PDE3A: variants seen among roughly 807,000 people sequenced by gnomAD.
PDE3A encodes phosphodiesterase 3A, also known as cGMP-inhibited 3',5'-cyclic phosphodiesterase 3A.
Under a neutral mutation model 98.3 loss-of-function variants are expected in PDE3A, and 43 were observed. The observed-to-expected ratio is 0.44, with a 90% CI of 0.34 to 0.56. PDE3A has a LOEUF of 0.56. Ranked by LOEUF, PDE3A falls within the 20% of genes least tolerant of loss-of-function variation. The pLI is 0.01. For missense variants in PDE3A, 1,427 were observed against 1,440.7 expected, an observed-to-expected ratio of 0.99 and a Z score of 0.15; for synonymous variants, 663 against 567.9, an observed-to-expected ratio of 1.17 and a Z score of -2.38.
At chr12:20,547,307 T>G (rs1206496037) in intron 1 of PDE3A, among the ~76,000 whole-genome samples, 2 of 152,166 alleles carry the variant, frequency 1.3e-5, no homozygotes, top group Non-Finnish European at 2.9e-5. Flanking sequence ...TGGTATACTA[T>G]GTTTCTGTGT....
intron 1 of PDE3A, among the ~76,000 whole-genome samples, chr12:20,532,890 T>C (rs1592026878): frequency 1.3e-5 from 2 of 151,764 alleles, no homozygotes; most frequent in South Asian, 4.2e-4. Flanking sequence ...GGGTTTCACC[T>C]TGGTCTCGAT....
chr12:20,471,083 T>A (rs1326722288), intron 1 of PDE3A, among the ~76,000 whole-genome samples: 11 of 148,884 alleles, frequency 7.4e-5, no homozygotes, highest in Admixed American at 1.3e-4. Context: ...TTTCTGTGTT[T>A]TAAGCCACCC....
chr12:20,662,522 T>C (rs1400277638), intron 15 of PDE3A, among the ~76,000 whole-genome samples: 4 of 152,210 alleles, frequency 2.6e-5, no homozygotes, highest in Non-Finnish European at 4.4e-5. Flanking sequence ...GCATGGGGCC[T>C]GTAGCGCCTT....
intron 2 of PDE3A, among the ~76,000 whole-genome samples, chr12:20,561,582 G>A (rs1942522462): frequency 6.6e-6 from 1 of 151,928 alleles, no homozygotes; most frequent in African/African-American, 2.4e-5. Context: ...TAGCCTTTGA[G>A]GAATCAGAAA....
At chr12:20,387,777 G>C (rs1465028383) in intron 1 of PDE3A, among the ~76,000 whole-genome samples, 2 of 151,954 alleles carry the variant, frequency 1.3e-5, no homozygotes, top group South Asian at 4.1e-4. Flanking sequence ...TTTACATACT[G>C]CTTGGGAACA....
intron 1 of PDE3A, chr12:20,553,097 A>G (rs1942261386): frequency 2.5e-6 from 2 of 800,932 alleles, no homozygotes; most frequent in South Asian, 1.8e-5. Flanking sequence ...TAGTGGGCTT[A>G]ACTTAAACAG....
At chr12:20,568,290 T>C (rs1183163364) in intron 2 of PDE3A, among the ~76,000 whole-genome samples, 1 of 151,988 alleles carries the variant, frequency 6.6e-6, no homozygotes, top group Non-Finnish European at 1.5e-5. Context: ...AAGTAAGTGC[T>C]TTATGGACAT....
intron 1 of PDE3A, among the ~76,000 whole-genome samples, chr12:20,436,779 T>G (rs911467005): frequency 2.6e-5 from 4 of 152,168 alleles, no homozygotes; most frequent in African/African-American, 9.7e-5. Context: ...AAATCCTTAA[T>G]AAAGATCATG....
At chr12:20,564,537 G>T (rs968450771) in intron 2 of PDE3A, among the ~76,000 whole-genome samples, 5 of 152,076 alleles carry the variant, frequency 3.3e-5, no homozygotes, top group African/African-American at 1.2e-4. Flanking sequence ...GGTTAGGGGG[G>T]AATGTACTCT....
At chr12:20,536,491 G>A (rs1403639684) in intron 1 of PDE3A, among the ~76,000 whole-genome samples, 1 of 151,966 alleles carries the variant, frequency 6.6e-6, no homozygotes, top group African/African-American at 2.4e-5. Context: ...TTTTCATCAT[G>A]TCCCCTAAAA....
intron 1 of PDE3A, among the ~76,000 whole-genome samples, chr12:20,486,480 G>T (rs1381745916): frequency 6.6e-6 from 1 of 152,168 alleles, no homozygotes; most frequent in Non-Finnish European, 1.5e-5. Flanking sequence ...TGGGGACACA[G>T]CCAAACCATA....
At chr12:20,420,354 G>A (rs1315208328) in intron 1 of PDE3A, among the ~76,000 whole-genome samples, 5 of 152,026 alleles carry the variant, frequency 3.3e-5, no homozygotes, top group African/African-American at 7.2e-5. Context: ...GTCAAGTCTC[G>A]AGCTCATGAT....
intron 15 of PDE3A, among the ~76,000 whole-genome samples, chr12:20,677,346 G>A (rs1945667438): frequency 6.6e-6 from 1 of 152,034 alleles, no homozygotes; most frequent in South Asian, 2.1e-4. Flanking sequence ...ATCTGTTGCT[G>A]GAGGATTATT....
chr12:20,547,855 T>G (rs779449217), intron 1 of PDE3A, among the ~76,000 whole-genome samples: 1 of 152,132 alleles, frequency 6.6e-6, no homozygotes, highest in Non-Finnish European at 1.5e-5. Flanking sequence ...AAATATATTT[T>G]CAGCAATCTA....
intron 1 of PDE3A, among the ~76,000 whole-genome samples, chr12:20,414,386 T>C (rs1944385691): frequency 6.6e-6 from 1 of 152,166 alleles, no homozygotes; most frequent in African/African-American, 2.4e-5. Context: ...CAATCTGATA[T>C]AATCAAAATG....
chr12:20,467,544 A>T (rs1423964380), intron 1 of PDE3A, among the ~76,000 whole-genome samples: 1 of 152,168 alleles, frequency 6.6e-6, no homozygotes, highest in African/African-American at 2.4e-5. Context: ...AAACATTGAA[A>T]TATACATCTG....
chr12:20,465,178 G>C (rs912319927), intron 1 of PDE3A, among the ~76,000 whole-genome samples: 7 of 152,136 alleles, frequency 4.6e-5, no homozygotes, highest in Admixed American at 4.6e-4. Flanking sequence ...TGAAGTTGGA[G>C]GTTGCTTAAC....
At chr12:20,467,741 C>T (rs376988526) in intron 1 of PDE3A, among the ~76,000 whole-genome samples, 20 of 151,680 alleles carry the variant, frequency 1.3e-4, no homozygotes, top group East Asian at 7.8e-4. Flanking sequence ...TTGAGACCAT[C>T]CTGGCTAACA....
At chr12:20,433,494 T>A (rs556727791) in intron 1 of PDE3A, among the ~76,000 whole-genome samples, 137 of 152,290 alleles carry the variant, frequency 9.0e-4, no homozygotes, top group Admixed American at 1.5e-3. Flanking sequence ...ATATGTAAGA[T>A]GACTTTAAAT....
Sources: gnomAD v4.1 joint callset for allele counts (sites outside exome capture counted in the v4.1 genomes callset) on GRCh38, gnomAD v4.1.1 for gene constraint, MANE v1.5 for transcripts, NCBI Gene and HGNC (gene_info 2026-07-23, HGNC 2026-07-21) for gene names.